The following MICAL3 variants were observed in gnomAD, a reference collection of about 807,000 sequenced individuals.
MICAL3 encodes [F-actin]-monooxygenase MICAL3.
Under a neutral mutation model 207.4 loss-of-function variants are expected in MICAL3, and 62 were observed. That is an observed-to-expected ratio of 0.30 (90% CI 0.24 to 0.37). The LOEUF (loss-of-function observed/expected upper bound fraction) is 0.37. MICAL3 is among the 10% of genes least tolerant of loss of function. The probability of loss-of-function intolerance (pLI) is 1.00; values close to 1 mark genes in which losing one functional copy is unlikely to be tolerated. For missense variants in MICAL3, 2,368 were observed against 2,635.6 expected, an observed-to-expected ratio of 0.90 and a Z score of 2.22; for synonymous variants, 1,077 against 1,069.3, an observed-to-expected ratio of 1.01 and a Z score of -0.14.
Position 17,935,009 on chromosome 22 carries a change from A to G in MICAL3, c.-74-28123T>C, listed in dbSNP as rs1333221582. Among the ~76,000 whole-genome samples, 6 of 152,066 alleles carry G rather than the reference A, an allele frequency of 3.9e-5. No individual in the cohort carries two copies. In the Middle Eastern group the frequency reaches 0.01, roughly 259 times the overall value. ...CCATGCTCATGGATAGGAAGAATCA[A>G]TATCATGAAAATTAATGCCATCCCC... On this transcript the variant is annotated intron_variant, in intron 1 of 31. Transcript: ENST00000441493.
rs1169846763 is a variant in MICAL3, at chr22:17,805,307, A to C, written c.5650+3537T>G. On this transcript the variant is annotated intron_variant, in intron 29 of 31. Coordinates refer to ENST00000441493, the MANE Select transcript of MICAL3 (RefSeq NM_015241.3). ...GAGAGAAAGCAGCAGCAGCACGCAC[A>C]CCTGGGCTTCAGAGACGGCATCGGC... Among the ~76,000 whole-genome samples the C allele has an allele frequency of 2.6e-5, 4 of 152,318 alleles. No individual in the cohort carries two copies. The East Asian group carries it at 7.7e-4, about 29-fold the overall frequency.
In MICAL3 at chr22:17,796,036, A is replaced by G. The variant is rs982058699; in HGVS notation, c.5651-4735T>C. ...AAGTTTTTTGGTTTTTCTCAACATC[A>G]GGGTAACGGGTTTCCATCTGTTGCT... On this transcript the variant is annotated intron_variant, in intron 29 of 31. Transcript: ENST00000441493. This position sits in a 1 kb window ranked among gnomAD's most constrained non-coding sequence, Gnocchi z 4.4. Among the ~76,000 whole-genome samples the G allele has an allele frequency of 1.3e-5, 2 of 152,236 alleles. No homozygotes were observed. Among genetic ancestry groups the G allele is most frequent in the Non-Finnish European group, 2.9e-5 (2 of 68,050 alleles).
At chr22:17,886,556 G>C (rs1929887027) in intron 15 of MICAL3, among the ~76,000 whole-genome samples, 1 of 152,124 alleles carries the variant, frequency 6.6e-6, no homozygotes, top group Non-Finnish European at 1.5e-5. Context: ...TATAATCCCA[G>C]CACTTTGGGA....
chr22:17,854,411 A>G (rs753532333), intron 19 of MICAL3, among the ~76,000 whole-genome samples: 1 of 151,672 alleles, frequency 6.6e-6, no homozygotes, highest in Non-Finnish European at 1.5e-5. Context: ...CGACCAACCA[A>G]CTCTCCACAA....
chr22:17,877,522 G>T (rs62240574), intron 16 of MICAL3, among the ~76,000 whole-genome samples: 1,666 of 50,066 alleles, frequency 0.033, 17 homozygotes, highest in East Asian at 0.058. Context: ...AGGGAGGTTA[G>T]GGAGGTGAGG....
intron 25 of MICAL3, 140 bp from the exon 26 acceptor site, chr22:17,819,269 C>T (rs1320169966): frequency 1.2e-6 from 1 of 857,964 alleles, no homozygotes; most frequent in African/African-American, 1.7e-5. Flanking sequence ...GTTATTAGAA[C>T]AGCTCCAGGA....
chr22:17,893,996 G>T, intron 10 of MICAL3, 92 bp from the exon 11 acceptor site: 1 of 895,654 alleles, frequency 1.1e-6, no homozygotes, highest in Non-Finnish European at 1.8e-6. Context: ...AGGAAAGTCT[G>T]GGATAGAAGG....
Position 17,811,901 on chromosome 22 carries a change from C to T in MICAL3, c.5446-1088G>A, listed in dbSNP as rs1177186322. 2.6e-5 allele frequency among the ~76,000 whole-genome samples: 4 copies of T among 152,242 alleles called. No homozygotes were observed. The South Asian group carries it at 6.2e-4, about 24-fold the overall frequency. ...TCAGGACTATAGGCGTGTGCCACCT[C>T]GCCCGGACAATTAAAACAATTTTTT... On this transcript the variant is annotated intron_variant, in intron 27 of 31. Transcript: ENST00000441493.
At chr22:17,863,786 G>A (rs1311021559) in intron 19 of MICAL3, 51 of 985,434 alleles carry the variant, frequency 5.2e-5, no homozygotes, top group South Asian at 1.4e-4. Context: ...ATGCAACTCT[G>A]GGAACCTCTC....
chr22:17,823,176 A>T (rs577460722), intron 22 of MICAL3, 116 bp from the exon 23 acceptor site: 6 of 708,402 alleles, frequency 8.5e-6, no homozygotes, highest in African/African-American at 1.8e-5. Context: ...AGGCCCCAGG[A>T]GAGGGGAGAT....
At chr22:17,822,306 G>T (rs1407155525) in intron 23 of MICAL3, 136 bp from the exon 24 acceptor site, 2 of 1,157,298 alleles carry the variant, frequency 1.7e-6, no homozygotes, top group Admixed American at 2.8e-5. Context: ...TTCTTACGCA[G>T]GGACAGACCT....
intron 29 of MICAL3, among the ~76,000 whole-genome samples, chr22:17,801,651 T>C (rs1348986306): frequency 6.6e-6 from 1 of 150,480 alleles, no homozygotes; most frequent in African/African-American, 2.4e-5. Flanking sequence ...CCCAGCACTT[T>C]GGGAGGCTGA....
intron 19 of MICAL3, among the ~76,000 whole-genome samples, chr22:17,847,259 C>T (rs1432398964): frequency 1.3e-5 from 2 of 152,204 alleles, no homozygotes; most frequent in African/African-American, 4.8e-5. Flanking sequence ...GCCTCTTCTG[C>T]CTCTTTCTGG....
At chr22:17,851,071 TCTAG>T (rs1428896054) in intron 19 of MICAL3, among the ~76,000 whole-genome samples, 1 of 152,208 alleles carries the variant, frequency 6.6e-6, no homozygotes, top group Admixed American at 6.5e-5. Context: ...AGTGCTGCGC[TCTAG>T]CTGTCTACCT....
chr22:17,833,534 C>T (rs767728647), intron 20 of MICAL3, among the ~76,000 whole-genome samples: 7 of 152,202 alleles, frequency 4.6e-5, no homozygotes, highest in Non-Finnish European at 7.3e-5. Flanking sequence ...ACTGCCAGGG[C>T]GATCACTGCC....
chr22:17,918,883 G>A (rs560303280), intron 1 of MICAL3, among the ~76,000 whole-genome samples: 1 of 152,264 alleles, frequency 6.6e-6, no homozygotes, highest in South Asian at 2.1e-4. Context: ...AATAACAGCA[G>A]TGAACAGAGA....
intron 29 of MICAL3, among the ~76,000 whole-genome samples, chr22:17,808,144 C>T (rs896781806): frequency 4.6e-5 from 7 of 152,264 alleles, no homozygotes; most frequent in South Asian, 2.1e-4. Context: ...TGAGCGCAGC[C>T]GCGCAGGTTC....
Position 17,891,581 on chromosome 22 carries a change from T to C in MICAL3, c.1598A>G (p.Asp533Gly). ...TGTCACGTTTACCCCTGCATAGCCA[T>C]CTGTCTGCCTCTGGCACCAACCCAG... ...KLLGWCQRQT[D>G]GYAGVNVTDL... Residue 533 changes from aspartate to glycine, a missense_variant, in exon 12 of 32, where the codon GAT becomes GGT. Transcript: ENST00000441493. 1.2e-6 allele frequency: 2 copies of C among 1,613,970 alleles called. No homozygotes were observed. The highest frequency in any genetic ancestry group is 1.7e-6 in the Non-Finnish European group (2 of 1,179,862).
At chr22:17,833,063 C>T (rs1922978911) in intron 20 of MICAL3, among the ~76,000 whole-genome samples, 1 of 152,190 alleles carries the variant, frequency 6.6e-6, no homozygotes, top group African/African-American at 2.4e-5. Context: ...AGCCGCACAC[C>T]TGTAAGAATG....
Sources: allele counts gnomAD v4.1 joint callset (sites outside exome capture counted in the v4.1 genomes callset), GRCh38; gene constraint gnomAD v4.1.1; non-coding constraint Gnocchi (gnomAD v3.1); transcripts MANE v1.5; gene names NCBI Gene and HGNC (gene_info 2026-07-23, HGNC 2026-07-21).